The following ZC3H11A variants were observed in gnomAD, a reference collection of about 807,000 sequenced individuals.
ZC3H11A encodes the protein zinc finger CCCH-type containing 11A, also known as zinc finger CCCH domain-containing protein 11A.
ZC3H11A carries 22 observed loss-of-function variants against 90.8 expected under a neutral mutation model. That is an observed-to-expected ratio of 0.24 (90% CI 0.17 to 0.35). The LOEUF is 0.35. Ranked by LOEUF, ZC3H11A falls within the 10% of genes least tolerant of loss-of-function variation. The pLI is 1.00. For missense variants in ZC3H11A, 701 were observed against 964.9 expected (o/e 0.73, Z 3.62); for synonymous variants, 294 against 339.8 (o/e 0.87, Z 1.48).
At chr1:203,834,044 C>A in intron 10 of ZC3H11A, 191 bp downstream of exon 10, 1 of 1,254,822 alleles carries the variant, frequency 8.0e-7, no homozygotes, top group East Asian at 3.2e-5. Context: ...TAAAGTGTTA[C>A]AATTGAACTA....
intron 12 of ZC3H11A, among the ~76,000 whole-genome samples, chr1:203,843,164 T>A (rs540765959): frequency 6.6e-6 from 1 of 152,280 alleles, no homozygotes; most frequent in Admixed American, 6.5e-5. Context: ...CTCTCCCTAG[T>A]ATGCTGCAGG....
At chr1:203,831,101 C>T (rs1378456327) in intron 8 of ZC3H11A, among the ~76,000 whole-genome samples, 5 of 151,722 alleles carry the variant, frequency 3.3e-5, no homozygotes, top group Non-Finnish European at 4.4e-5. Context: ...TGCGCCACCA[C>T]GCCTGGGTAA....
chr1:203,807,063 A>G (rs1233189746), intron 2 of ZC3H11A, among the ~76,000 whole-genome samples: 4 of 151,474 alleles, frequency 2.6e-5, no homozygotes, highest in Non-Finnish European at 5.9e-5. Flanking sequence ...TTCAATTTTT[A>G]TTTAGAGATG....
Position 203,849,786 on chromosome 1 carries a change from A to C in ZC3H11A, c.1699A>C (p.Met567Leu). The C allele has an allele frequency of 6.2e-7, 1 of 1,613,976 alleles. No homozygotes were observed. The highest frequency in any genetic ancestry group is 8.5e-7 in the Non-Finnish European group (1 of 1,179,868). Residue 567 changes from methionine (M) to leucine (L), a missense_variant, in exon 15 of 18, where the codon ATG (methionine) becomes CTG (leucine). Physicochemically the swap from Met to Leu is conservative, Grantham distance 15. This residue lies in a region of ZC3H11A where 530 missense variants were observed against 696.2 expected (regional missense o/e 0.76). Transcript: ENST00000367210. ...KRCETMREKH[M>L]QKQQEREKSV... ...ATGTGAGACCATGAGAGAGAAGCAC[A>C]TGCAGAAACAGCAGGAGAGGGAAAA...
At chr1:203,800,145 T>C in intron 1 of ZC3H11A, 1 of 1,535,842 alleles carries the variant, frequency 6.5e-7, no homozygotes, top group South Asian at 1.2e-5. Flanking sequence ...CAAAGAGAAG[T>C]ATTCAGAGTT....
intron 1 of ZC3H11A, chr1:203,796,654 G>A (rs1412826396): frequency 1.0e-5 from 4 of 391,522 alleles, no homozygotes; most frequent in Non-Finnish European, 1.8e-5. Flanking sequence ...AAAAATGGAA[G>A]TGGTTTAAAG....
intron 1 of ZC3H11A, chr1:203,797,180 G>A (rs549402292): frequency 3.5e-5 from 6 of 169,660 alleles, no homozygotes; most frequent in Middle Eastern, 2.7e-3. Flanking sequence ...TCTGGGATTT[G>A]GAAGACCTGG....
intron 11 of ZC3H11A, among the ~76,000 whole-genome samples, chr1:203,839,571 T>C (rs1013338630): frequency 8.5e-5 from 13 of 152,324 alleles, no homozygotes; most frequent in African/African-American, 3.1e-4. Context: ...TTTGGAGGTT[T>C]TCTTGCATTC....
At chr1:203,817,747 A>AT (rs575928957) in intron 3 of ZC3H11A, among the ~76,000 whole-genome samples, 11 of 149,606 alleles carry the variant, frequency 7.4e-5, no homozygotes, top group South Asian at 6.4e-4. Context: ...AGTCATCTTG[A>AT]TTTTTTTTTT....
intron 4 of ZC3H11A, among the ~76,000 whole-genome samples, chr1:203,819,140 A>G (rs1014087386): frequency 1.4e-5 from 2 of 146,414 alleles, no homozygotes; most frequent in African/African-American, 5.4e-5. Context: ...ACATATGTAT[A>G]TGTGTGTATA....
chr1:203,817,756 T>A (rs980638767), intron 3 of ZC3H11A, among the ~76,000 whole-genome samples: 6 of 152,038 alleles, frequency 3.9e-5, no homozygotes, highest in African/African-American at 7.2e-5. Flanking sequence ...GATTTTTTTT[T>A]TATTTTTATT....
At chr1:203,818,717 TAAG>T in intron 4 of ZC3H11A, 28 bp downstream of exon 4, 1 of 1,613,768 alleles carries the variant, frequency 6.2e-7, no homozygotes, top group Non-Finnish European at 8.5e-7. Context: ...GTTATCATAA[TAAG>T]TAGTCTGGAG....
chr1:203,845,049 A>G (rs1179016649), intron 12 of ZC3H11A, among the ~76,000 whole-genome samples: 1 of 152,096 alleles, frequency 6.6e-6, no homozygotes, highest in Non-Finnish European at 1.5e-5. Flanking sequence ...GTTGCTTTTA[A>G]TATTAGTTAA....
chr1:203,816,798 CA>C (rs1572054264), intron 2 of ZC3H11A, 127 bp from the exon 3 acceptor site: 3 of 339,546 alleles, frequency 8.8e-6, no homozygotes, highest in Non-Finnish European at 1.6e-5. Flanking sequence ...AGTGTGTTTA[CA>C]AGGCTCTGTA....
chr1:203,825,792 T>C (rs1457522978), intron 4 of ZC3H11A, among the ~76,000 whole-genome samples: 1 of 151,984 alleles, frequency 6.6e-6, no homozygotes, highest in Non-Finnish European at 1.5e-5. Context: ...AGTATGCATA[T>C]AGTCACTTGT....
intron 1 of ZC3H11A, chr1:203,798,690 A>G: frequency 6.5e-7 from 1 of 1,536,146 alleles, no homozygotes; most frequent in Non-Finnish European, 8.7e-7. Flanking sequence ...AGAGCAAGGC[A>G]CTCTGATGCG....
At chr1:203,807,399 CGT>C (rs1459654770) in intron 2 of ZC3H11A, among the ~76,000 whole-genome samples, 1 of 151,736 alleles carries the variant, frequency 6.6e-6, no homozygotes, top group African/African-American at 2.4e-5. Context: ...CTTCCTCCAG[CGT>C]CAGCCCCCTG....
Position 203,848,466 on chromosome 1 carries a change from A to C in ZC3H11A, c.1623+59A>C, listed in dbSNP as rs954254510. The C allele has an allele frequency of 3.1e-6, 4 of 1,310,810 alleles. No homozygotes were observed. In the African/African-American group the frequency reaches 6.0e-5, roughly 20 times the overall value. 81.2% of individuals were successfully genotyped at this position (1,310,810 alleles called of 1,614,324 possible). The stretch of plus-strand genomic sequence containing the variant: ...GGCAAACAAAGGCTAGATAATTGGT[A>C]GTTTTACCTTACAATAAATTTCTAA... On this transcript the variant is annotated intron_variant, in intron 14 of 17. Transcript: ENST00000367210.
chr1:203,798,836 G>A (rs1381368836), intron 1 of ZC3H11A: 17 of 1,536,142 alleles, frequency 1.1e-5, no homozygotes, highest in Non-Finnish European at 1.5e-5. Flanking sequence ...GGTTCATGCA[G>A]ATTGTGGCCC....
Sources: allele counts gnomAD v4.1 joint callset (sites outside exome capture counted in the v4.1 genomes callset), GRCh38; gene constraint gnomAD v4.1.1; regional missense constraint gnomAD v4.1.1; transcripts MANE v1.5; gene names NCBI Gene and HGNC (gene_info 2026-07-23, HGNC 2026-07-21).